GALNT13: variants seen among roughly 807,000 people sequenced by gnomAD.
The protein encoded by GALNT13 is UDP-GalNAc:polypeptide N-acetylgalactosaminyltransferase 13.
A neutral mutation model predicts 64.2 loss-of-function variants in GALNT13; 28 were observed. The ratio of observed to expected loss-of-function variants is 0.44; its 90% CI spans 0.32 to 0.60. The LOEUF (loss-of-function observed/expected upper bound fraction) is 0.60. GALNT13 is among the 20% of genes least tolerant of loss of function. The probability of loss-of-function intolerance (pLI) is 0.05; values close to 1 mark genes in which losing one functional copy is unlikely to be tolerated. For synonymous variants in GALNT13, 214 were observed against 224.6 expected, an observed-to-expected ratio of 0.95 and a Z score of 0.42; for missense variants, 577 against 669.8, an observed-to-expected ratio of 0.86 and a Z score of 1.53.
At chr2:154,159,762 C>G (rs575485118) in intron 4 of GALNT13, among the ~76,000 whole-genome samples, 1 of 152,034 alleles carries the variant, frequency 6.6e-6, no homozygotes, top group Non-Finnish European at 1.5e-5. Context: ...TTGGGGATTA[C>G]TACAGTGTGC....
At chr2:153,656,138 G>T in the GALNT13 span, among the ~76,000 whole-genome samples, 2 of 152,026 alleles carry the variant, frequency 1.3e-5, no homozygotes. Flanking sequence ...CTGTCAATAG[G>T]CTTGCTAATT....
chr2:153,141,923 C>A, the GALNT13 span, among the ~76,000 whole-genome samples: 1 of 151,880 alleles, frequency 6.6e-6, no homozygotes, highest in African/African-American at 2.4e-5. Flanking sequence ...GTAACATGTC[C>A]TCAATAAATT....
chr2:153,637,583 C>A, the GALNT13 span, among the ~76,000 whole-genome samples: 1 of 152,142 alleles, frequency 6.6e-6, no homozygotes, highest in Non-Finnish European at 1.5e-5. Flanking sequence ...AGAAATATAA[C>A]AGCAAGTTTT....
At chr2:153,525,298 A>G in the GALNT13 span, among the ~76,000 whole-genome samples, 3 of 152,216 alleles carry the variant, frequency 2.0e-5, no homozygotes, top group Non-Finnish European at 4.4e-5. Context: ...TACTGGCTTC[A>G]GGTGAGACTC....
chr2:153,656,279 T>C, the GALNT13 span, among the ~76,000 whole-genome samples: 1 of 151,856 alleles, frequency 6.6e-6, no homozygotes, highest in African/African-American at 2.4e-5. Flanking sequence ...TTGTGATTGC[T>C]TTGTTATATG....
At chr2:153,124,334 T>C in the GALNT13 span, among the ~76,000 whole-genome samples, 1 of 152,242 alleles carries the variant, frequency 6.6e-6, no homozygotes, top group Non-Finnish European at 1.5e-5. Context: ...AACTGTGATA[T>C]AATAAATGTT....
the GALNT13 span, among the ~76,000 whole-genome samples, chr2:153,484,299 T>G: frequency 6.6e-6 from 1 of 152,306 alleles, no homozygotes; most frequent in East Asian, 1.9e-4. Flanking sequence ...CATTAAAAAC[T>G]TATATACACA....
intron 3 of GALNT13, among the ~76,000 whole-genome samples, chr2:153,987,434 T>G (rs907596025): frequency 2.6e-4 from 40 of 152,018 alleles, no homozygotes; most frequent in African/African-American, 8.7e-4. Context: ...AGGTACCTCT[T>G]TAGATACAAA....
At chr2:153,876,552 C>T (rs1354449066) in intron 1 of GALNT13, among the ~76,000 whole-genome samples, 1 of 152,082 alleles carries the variant, frequency 6.6e-6, no homozygotes, top group Non-Finnish European at 1.5e-5. Flanking sequence ...GTAAACCAAA[C>T]AGACTTTAAT....
At chr2:153,762,729 C>T in the GALNT13 span, 1 of 151,688 alleles carries the variant, frequency 6.6e-6, no homozygotes, top group South Asian at 2.1e-4. Flanking sequence ...GGGCAGTTTC[C>T]ACTTCTCTAC....
the GALNT13 span, among the ~76,000 whole-genome samples, chr2:153,602,216 A>T: frequency 6.6e-6 from 1 of 151,942 alleles, no homozygotes; most frequent in South Asian, 2.1e-4. Context: ...TTTTTAATTT[A>T]TTTAATAAAT....
intron 9 of GALNT13, among the ~76,000 whole-genome samples, chr2:154,306,571 C>A (rs1210235517): frequency 6.8e-6 from 1 of 147,258 alleles, no homozygotes; most frequent in Admixed American, 7.1e-5. Flanking sequence ...TTACTCAAAT[C>A]AGTCTCCCTA....
At chr2:154,405,801 C>T (rs936289414) in intron 10 of GALNT13, among the ~76,000 whole-genome samples, 9 of 151,874 alleles carry the variant, frequency 5.9e-5, no homozygotes, top group African/African-American at 1.5e-4. Context: ...TACATCCCTG[C>T]GAGAGTGATC....
chr2:153,572,493 G>A, the GALNT13 span, among the ~76,000 whole-genome samples: 1 of 151,076 alleles, frequency 6.6e-6, no homozygotes, highest in Non-Finnish European at 1.5e-5. Flanking sequence ...TTTGGGATTT[G>A]GTTTGCTCTC....
the GALNT13 span, among the ~76,000 whole-genome samples, chr2:153,333,933 A>G: frequency 1.3e-5 from 2 of 152,224 alleles, no homozygotes; most frequent in African/African-American, 4.8e-5. Flanking sequence ...CCTAGGATGA[A>G]CACAGCTTTT....
At chr2:154,118,620 T>C (rs541716626) in intron 3 of GALNT13, among the ~76,000 whole-genome samples, 1 of 151,904 alleles carries the variant, frequency 6.6e-6, no homozygotes, top group Non-Finnish European at 1.5e-5. Context: ...TGTGGTTCCA[T>C]GGTTTTCTGT....
At chr2:154,297,349 C>A (rs1001320364) in intron 8 of GALNT13, among the ~76,000 whole-genome samples, 2 of 152,118 alleles carry the variant, frequency 1.3e-5, no homozygotes, top group Non-Finnish European at 1.5e-5. Context: ...AGAGAGAGGG[C>A]TCCCACAAAA....
At chr2:153,950,991 A>G (rs1692138387) in intron 3 of GALNT13, among the ~76,000 whole-genome samples, 1 of 152,124 alleles carries the variant, frequency 6.6e-6, no homozygotes, top group South Asian at 2.1e-4. Flanking sequence ...TAAAACACTA[A>G]AAGTAACTAA....
chr2:153,776,561 G>C, the GALNT13 span, among the ~76,000 whole-genome samples: 3,168 of 152,218 alleles, frequency 0.021, 58 homozygotes, highest in South Asian at 0.041. Flanking sequence ...TTAACATCCT[G>C]AAGAAGCTTC....
Sources: gnomAD v4.1 joint callset for allele counts (sites outside exome capture counted in the v4.1 genomes callset) on GRCh38, gnomAD v4.1.1 for gene constraint, MANE v1.5 for transcripts, NCBI Gene and HGNC (gene_info 2026-07-23, HGNC 2026-07-21) for gene names.